Variants in CPO observed in about 807,000 individuals in gnomAD.
CPO encodes metallocarboxypeptidase C.
Under a neutral mutation model 41.2 loss-of-function variants are expected in CPO, and 43 were observed. The ratio of observed to expected loss-of-function variants is 1.04; its 90% CI spans 0.82 to 1.35. The LOEUF is 1.35. CPO is among the 40% of genes most tolerant of loss of function. The probability of loss-of-function intolerance (pLI) is 0.00; values close to 1 mark genes in which losing one functional copy is unlikely to be tolerated. For synonymous variants in CPO, 178 were observed against 162.7 expected (o/e 1.09, Z -0.72); for missense variants, 408 against 451.7 (o/e 0.90, Z 0.88).
chr2:206,964,796 A>G (rs1693542702), intron 7 of CPO, among the ~76,000 whole-genome samples: 1 of 152,214 alleles, frequency 6.6e-6, no homozygotes. Context: ...GACAAACACA[A>G]ATGAATCTCC....
intron 1 of CPO, among the ~76,000 whole-genome samples, chr2:206,946,319 G>A (rs1029452224): frequency 6.6e-6 from 1 of 152,140 alleles, no homozygotes; most frequent in Non-Finnish European, 1.5e-5. Context: ...TGCAAAGCTG[G>A]TTCAACGTTC....
chr2:206,966,855 T>A (rs755840108), intron 7 of CPO, among the ~76,000 whole-genome samples: 33 of 152,134 alleles, frequency 2.2e-4, no homozygotes, highest in Non-Finnish European at 4.6e-4. Context: ...CCCCCCAACT[T>A]CCTTACTGCC....
intron 3 of CPO, among the ~76,000 whole-genome samples, chr2:206,956,710 A>G (rs1156238065): frequency 6.6e-6 from 1 of 152,166 alleles, no homozygotes; most frequent in Non-Finnish European, 1.5e-5. Flanking sequence ...AACCACTACT[A>G]AAGTAGTATG....
chr2:206,943,510 T>C (rs1290319785), intron 1 of CPO, among the ~76,000 whole-genome samples: 2 of 152,066 alleles, frequency 1.3e-5, no homozygotes, highest in Admixed American at 6.6e-5. Context: ...ATTTGGACGA[T>C]TTTTTAGCCC....
chr2:206,951,101 C>CA (rs35662717), intron 2 of CPO, among the ~76,000 whole-genome samples: 50,146 of 151,098 alleles, frequency 0.33, 8,555 homozygotes, highest in Middle Eastern at 0.4. Flanking sequence ...GGGGTGGAAC[C>CA]AAAAAAAATT....
intron 1 of CPO, 63 bp downstream of exon 1, chr2:206,939,730 T>G: frequency 7.0e-7 from 1 of 1,435,182 alleles, no homozygotes; most frequent in Non-Finnish European, 9.7e-7. Flanking sequence ...TTGAATGGTT[T>G]CTTTTTAAGA....
At chr2:206,961,082 C>T (rs1052250183) in intron 6 of CPO, 140 bp downstream of exon 6, 1 of 650,610 alleles carries the variant, frequency 1.5e-6, no homozygotes, top group Non-Finnish European at 2.7e-6. Flanking sequence ...GTTTTATTCC[C>T]TCTAACAGGA....
At chr2:206,956,323 C>G (rs949903223) in intron 3 of CPO, among the ~76,000 whole-genome samples, 8 of 152,158 alleles carry the variant, frequency 5.3e-5, no homozygotes, top group Non-Finnish European at 8.8e-5. Context: ...ACTTCGAACA[C>G]TCTCTAGGTG....
rs140122124 is a variant in CPO, at chr2:206,968,309, G to A, written c.824G>A (p.Gly275Glu). 9.2e-5 allele frequency: 148 copies of A among 1,612,460 alleles called. No individual in the cohort carries two copies. The highest frequency in any genetic ancestry group is 1.2e-4 in the Non-Finnish European group (145 of 1,178,692). Reference protein sequence around the residue: ...KAANALKAKYGTNYRVGSSAD... With the variant: ...KAANALKAKYETNYRVGSSAD... ...GCAAATGCATTGAAAGCAAAGTATG[G>A]AACCAATTATAGAGTTGGATCGAGT... Residue 275 changes from glycine to glutamate, a missense_variant, in exon 8 of 9, where the codon GGA (glycine) becomes GAA (glutamate). Transcript: ENST00000272852.
chr2:206,960,769 A>G (rs1345917524), intron 5 of CPO, 83 bp from the exon 6 acceptor site: 9 of 949,058 alleles, frequency 9.5e-6, no homozygotes, highest in Non-Finnish European at 1.2e-5. Flanking sequence ...AACATTTTTC[A>G]TGTTCAAGGA....
intron 1 of CPO, among the ~76,000 whole-genome samples, chr2:206,947,169 G>A (rs1184924426): frequency 6.6e-6 from 1 of 152,044 alleles, no homozygotes; most frequent in Non-Finnish European, 1.5e-5. Context: ...CCAACCTCAA[G>A]ACTTAATATA....
At position 206,958,332 on chromosome 2, in the gene CPO, T is replaced by C; in HGVS notation, c.299T>C (p.Ile100Thr). The change falls in exon 4 of 9, where the codon ATC becomes ACC. Residue 100 changes from isoleucine (I) to threonine (T), a missense_variant. By Grantham distance (89) the Ile-to-Thr change is moderately conservative (BLOSUM62 -1). Transcript: ENST00000272852. ...ISQPSGNPKK[I>T]IWMDCGIHAR... ...CAACCATCTGGTAATCCCAAGAAAA[T>C]CATTTGGATGGACTGTGGAATTCAC... The C allele has an allele frequency of 6.3e-7, 1 of 1,598,592 alleles. No individual in the cohort carries two copies. Among genetic ancestry groups the C allele is most frequent in the Non-Finnish European group, 8.5e-7 (1 of 1,172,774 alleles).
chr2:206,942,822 T>C (rs1693054012), intron 1 of CPO, among the ~76,000 whole-genome samples: 1 of 152,204 alleles, frequency 6.6e-6, no homozygotes, highest in South Asian at 2.1e-4. Context: ...GTATATGGTT[T>C]AAGCATTCAT....
intron 2 of CPO, among the ~76,000 whole-genome samples, chr2:206,951,900 G>A (rs1409726926): frequency 6.6e-6 from 1 of 152,138 alleles, no homozygotes; most frequent in Non-Finnish European, 1.5e-5. Context: ...CAAGACATAA[G>A]GCATCTGCAT....
Position 206,960,862 on chromosome 2 carries a change from G to C in CPO, c.494G>C (p.Trp165Ser). The C allele has an allele frequency of 6.2e-7, 1 of 1,612,526 alleles. No individual in the cohort carries two copies. The highest frequency in any genetic ancestry group is 8.5e-7 in the Non-Finnish European group (1 of 1,178,588). ...YIYTWTTDRL[W>S]RKSRSPHNNG... The stretch of plus-strand genomic sequence containing the variant: ...GTTCCTCTGCTACAGGATCGTCTTT[G>C]GAGGAAATCCCGTTCACCCCATAAT... The change falls in exon 6 of 9, where the codon TGG (tryptophan) becomes TCG (serine). Residue 165 changes from tryptophan (W) to serine (S), a missense_variant. Coordinates refer to ENST00000272852, the MANE Select transcript of CPO (RefSeq NM_173077.3).
intron 2 of CPO, among the ~76,000 whole-genome samples, chr2:206,950,873 A>T (rs1226662305): frequency 7.1e-5 from 10 of 141,580 alleles, no homozygotes; most frequent in Admixed American, 7.0e-4. Flanking sequence ...GGAGTTGAAT[A>T]GTGAGAACAC....
chr2:206,956,650 G>A (rs1291606239), intron 3 of CPO, among the ~76,000 whole-genome samples: 2 of 152,214 alleles, frequency 1.3e-5, no homozygotes, highest in African/African-American at 4.8e-5. Flanking sequence ...TTTCTAACAA[G>A]TTCCTAGGTG....
intron 1 of CPO, among the ~76,000 whole-genome samples, chr2:206,945,680 CAA>C (rs1471179855): frequency 6.6e-6 from 1 of 152,062 alleles, no homozygotes; most frequent in Non-Finnish European, 1.5e-5. Context: ...CAATATCTGG[CAA>C]AGAGGAGGCA....
In CPO at chr2:206,947,440, A is replaced by G. The variant is rs533770582; in HGVS notation, c.69-2177A>G. 4.0e-4 allele frequency among the ~76,000 whole-genome samples: 61 copies of G among 152,322 alleles called. 1 individual carries two copies. Among genetic ancestry groups the G allele is most frequent in the African/African-American group, 1.4e-3 (60 of 41,588 alleles). ...AGACCTGAATAGAAAATGCAAAACT[A>G]TAAAACTCTAGAAGATAGCATAAGA... On this transcript the variant is annotated intron_variant, in intron 1 of 8. Coordinates refer to ENST00000272852, the MANE Select transcript of CPO (RefSeq NM_173077.3).
Sources: allele counts gnomAD v4.1 joint callset (sites outside exome capture counted in the v4.1 genomes callset), GRCh38; gene constraint gnomAD v4.1.1; transcripts MANE v1.5; gene names NCBI Gene and HGNC (gene_info 2026-07-23, HGNC 2026-07-21).